Variants in CNTNAP2 observed in about 807,000 individuals in gnomAD.
CNTNAP2 encodes contactin-associated protein-like 2.
In CNTNAP2, 98 loss-of-function variants were observed where a neutral mutation model predicts 155.2. That is an observed-to-expected ratio of 0.63 (90% CI 0.54 to 0.75). The LOEUF is 0.75. Ranked by LOEUF, CNTNAP2 falls within the 30% of genes least tolerant of loss-of-function variation. CNTNAP2 has a pLI of 0.00. For missense variants in CNTNAP2, 1,727 were observed against 1,688.1 expected (o/e 1.02, Z -0.40); for synonymous variants, 651 against 631.2 (o/e 1.03, Z -0.47).
intron 8 of CNTNAP2, among the ~76,000 whole-genome samples, chr7:147,272,692 G>A (rs1366598878): frequency 1.4e-5 from 2 of 139,614 alleles, no homozygotes; most frequent in Admixed American, 7.2e-5. Flanking sequence ...TATTTGTAGT[G>A]GAGATGGGGT....
Position 148,217,514 on chromosome 7 carries a change from C to G in CNTNAP2, c.3237C>G (p.Val1079=), listed in dbSNP as rs764132617. 6.2e-7 allele frequency: 1 copy of G among 1,614,184 alleles called. No individual in the cohort carries two copies. Among genetic ancestry groups the G allele is most frequent in the East Asian group, 2.2e-5 (1 of 44,868 alleles). ...CCACAGACTTCTTGGCAGTCCTCGT[C>G]AAACCCACTGGTAAGGACAAGGATA... ...SFTTDFLAVL[V]KPTGSLQIRY... is the part of the protein sequence containing the mutation. The change falls in exon 19 of 24, where the codon GTC becomes GTG. Residue 1079 remains valine (V), a synonymous_variant. Coordinates refer to ENST00000361727, the MANE Select transcript of CNTNAP2 (RefSeq NM_014141.6).
At chr7:146,601,150 G>C (rs984593021) in intron 1 of CNTNAP2, among the ~76,000 whole-genome samples, 1 of 152,078 alleles carries the variant, frequency 6.6e-6, no homozygotes, top group Non-Finnish European at 1.5e-5. Flanking sequence ...TACTTACAGA[G>C]TGACTAGAAT....
intron 4 of CNTNAP2, among the ~76,000 whole-genome samples, chr7:147,103,816 A>G (rs1800701690): frequency 6.6e-6 from 1 of 152,084 alleles, no homozygotes; most frequent in South Asian, 2.1e-4. Flanking sequence ...CCAAATATCA[A>G]TAATGCAGTC....
At chr7:146,311,802 C>T (rs1800829523) in intron 1 of CNTNAP2, 1 of 151,188 alleles carries the variant, frequency 6.6e-6, no homozygotes, top group Non-Finnish European at 1.5e-5. Context: ...CTACACCTAA[C>T]TCCTTCATTT....
chr7:146,421,106 G>A (rs1457752895), intron 1 of CNTNAP2, among the ~76,000 whole-genome samples: 1 of 152,006 alleles, frequency 6.6e-6, no homozygotes, highest in Non-Finnish European at 1.5e-5. Context: ...GTACAACTGA[G>A]CTAAAAATTT....
intron 2 of CNTNAP2, among the ~76,000 whole-genome samples, chr7:146,792,839 T>A (rs771041413): frequency 6.6e-6 from 1 of 152,148 alleles, no homozygotes; most frequent in Non-Finnish European, 1.5e-5. Flanking sequence ...AAATAATAAT[T>A]ATTTTTTTTG....
intron 1 of CNTNAP2, among the ~76,000 whole-genome samples, chr7:146,587,308 G>A (rs995397725): frequency 1.3e-5 from 2 of 152,040 alleles, no homozygotes; most frequent in African/African-American, 2.4e-5. Flanking sequence ...GCTCCTTGGA[G>A]GTACAAAACT....
intron 15 of CNTNAP2, among the ~76,000 whole-genome samples, chr7:148,115,948 G>T (rs1298123608): frequency 2.0e-5 from 3 of 152,074 alleles, no homozygotes; most frequent in Non-Finnish European, 4.4e-5. Flanking sequence ...AGACCAGCCT[G>T]ACCAATATGG....
At chr7:147,478,092 A>G (rs1339282197) in intron 10 of CNTNAP2, among the ~76,000 whole-genome samples, 5 of 150,434 alleles carry the variant, frequency 3.3e-5, no homozygotes, top group Admixed American at 6.6e-5. Context: ...AAGTAGAGGA[A>G]CTGCAGTCCT....
chr7:147,991,153 GT>G (rs1801704793), intron 15 of CNTNAP2, among the ~76,000 whole-genome samples: 1 of 152,140 alleles, frequency 6.6e-6, no homozygotes, highest in African/African-American at 2.4e-5. Flanking sequence ...TTAATGACCT[GT>G]TATGAGTCAA....
intron 1 of CNTNAP2, among the ~76,000 whole-genome samples, chr7:146,354,788 A>G (rs1449964231): frequency 1.3e-5 from 2 of 151,512 alleles, no homozygotes; most frequent in Non-Finnish European, 2.9e-5. Flanking sequence ...TTCTCTACAG[A>G]TTCAATTTCT....
chr7:147,706,911 A>G lies in CNTNAP2; in HGVS notation c.2098+67605A>G, dbSNP rs567557309. Among the ~76,000 whole-genome samples, 10 of 152,252 alleles carry G rather than the reference A, an allele frequency of 6.6e-5. No individual in the cohort carries two copies. In the East Asian group the frequency reaches 1.7e-3, roughly 26 times the overall value. ...AATTCTTTCTTCTCTTTCATCTAAT[A>G]TATTGTTGAAGCTTTCAAATGTATT... On this transcript the variant is annotated intron_variant, in intron 13 of 23. Transcript: ENST00000361727.
At chr7:147,925,968 C>A (rs950110956) in intron 14 of CNTNAP2, among the ~76,000 whole-genome samples, 20 of 152,044 alleles carry the variant, frequency 1.3e-4, no homozygotes, top group Non-Finnish European at 1.0e-4. Context: ...AAGGATATAG[C>A]CCTTTCAGGT....
intron 3 of CNTNAP2, among the ~76,000 whole-genome samples, chr7:146,907,415 C>T (rs1239157698): frequency 3.4e-5 from 5 of 147,044 alleles, no homozygotes; most frequent in African/African-American, 7.6e-5. Context: ...GTCAGGTTAC[C>T]CTCAAAGGGA....
At chr7:147,052,718 C>A (rs1477622076) in intron 4 of CNTNAP2, among the ~76,000 whole-genome samples, 8 of 151,706 alleles carry the variant, frequency 5.3e-5, no homozygotes, top group Admixed American at 2.0e-4. Flanking sequence ...GGAAAAAAAA[C>A]CACCCAAGAT....
intron 3 of CNTNAP2, among the ~76,000 whole-genome samples, chr7:146,897,996 T>C (rs1403604008): frequency 2.0e-5 from 3 of 152,116 alleles, no homozygotes; most frequent in African/African-American, 7.2e-5. Flanking sequence ...GTTTGTGATA[T>C]ATACATTTCA....
At chr7:147,891,329 C>T (rs1355401460) in intron 13 of CNTNAP2, among the ~76,000 whole-genome samples, 1 of 151,990 alleles carries the variant, frequency 6.6e-6, no homozygotes, top group Non-Finnish European at 1.5e-5. Flanking sequence ...CGCGGCCTCC[C>T]GAGTAGCTGG....
intron 13 of CNTNAP2, among the ~76,000 whole-genome samples, chr7:147,806,687 T>A (rs539933872): frequency 9.8e-5 from 15 of 152,304 alleles, no homozygotes; most frequent in African/African-American, 3.4e-4. Flanking sequence ...TGAAATTCTG[T>A]CATTTACAAC....
intron 1 of CNTNAP2, among the ~76,000 whole-genome samples, chr7:146,722,118 G>A (rs940521905): frequency 3.3e-5 from 5 of 151,480 alleles, no homozygotes; most frequent in Non-Finnish European, 7.4e-5. Context: ...TTGAACTCCT[G>A]ATGTCAGGTG....
Sources: allele counts gnomAD v4.1 joint callset (sites outside exome capture counted in the v4.1 genomes callset), GRCh38; gene constraint gnomAD v4.1.1; transcripts MANE v1.5; gene names NCBI Gene and HGNC (gene_info 2026-07-23, HGNC 2026-07-21).